MID1: variants seen among roughly 807,000 people sequenced by gnomAD.
MID1 encodes the protein E3 ubiquitin-protein ligase Midline-1.
MID1 carries 7 observed loss-of-function variants against 40.4 expected under a neutral mutation model. The ratio of observed to expected loss-of-function variants is 0.17; its 90% CI spans 0.10 to 0.33. The LOEUF is 0.33. Among genes scored for constraint, MID1 ranks in the 10% least tolerant of loss-of-function variants. The probability of loss-of-function intolerance (pLI) is 1.00; values close to 1 mark genes in which losing one functional copy is unlikely to be tolerated. For missense variants in MID1, 367 were observed against 558.5 expected, an observed-to-expected ratio of 0.66 and a Z score of 3.46; for synonymous variants, 229 against 221.2, an observed-to-expected ratio of 1.04 and a Z score of -0.31.
chrX:10,485,426 G>C (rs1930566003), intron 4 of MID1, among the ~76,000 whole-genome samples: 1 of 112,197 alleles, frequency 8.9e-6, no homozygotes, highest in African/African-American at 3.2e-5. Context: ...AAAAAAATTA[G>C]ATACTGACAC....
intron 8 of MID1, among the ~76,000 whole-genome samples, chrX:10,458,921 C>G (rs1928852123): frequency 9.0e-6 from 1 of 111,679 alleles, no homozygotes; most frequent in Non-Finnish European, 1.9e-5. Flanking sequence ...CACCATGTTA[C>G]ATAACATAAT....
chrX:10,584,023 T>G (rs1256405615), intron 1 of MID1, among the ~76,000 whole-genome samples: 1 of 104,482 alleles, frequency 9.6e-6, no homozygotes, highest in African/African-American at 3.6e-5. Flanking sequence ...AGACTGAGAC[T>G]CCATCTAAAA....
At chrX:10,619,579 T>C (rs1935898611) in intron 1 of MID1, among the ~76,000 whole-genome samples, 2 of 112,701 alleles carry the variant, frequency 1.8e-5, no homozygotes, top group South Asian at 7.4e-4. Flanking sequence ...AGCAAAGCTA[T>C]AAACCTCTTC....
intron 1 of MID1, among the ~76,000 whole-genome samples, chrX:10,640,313 GGAA>G (rs747440161): frequency 1.2e-4 from 13 of 111,405 alleles, no homozygotes; most frequent in Middle Eastern, 4.6e-3. Context: ...ATAAAGGGAT[GGAA>G]GAAGACCTAC....
chrX:10,672,615 T>C (rs1420937523), intron 1 of MID1, among the ~76,000 whole-genome samples: 1 of 111,688 alleles, frequency 9.0e-6, no homozygotes, highest in African/African-American at 3.3e-5. Flanking sequence ...TCTAGAGCCT[T>C]CAGAAGGAAT....
intron 1 of MID1, among the ~76,000 whole-genome samples, chrX:10,747,202 C>T (rs1024555176): frequency 5.4e-5 from 6 of 111,683 alleles, no homozygotes; most frequent in Admixed American, 3.8e-4. Context: ...AGAGACTAGA[C>T]GAAGGAAGAG....
chrX:10,457,874 G>A (rs1928779513), intron 8 of MID1, among the ~76,000 whole-genome samples: 1 of 112,594 alleles, frequency 8.9e-6, no homozygotes, highest in African/African-American at 3.2e-5. Flanking sequence ...CTTCTGCATG[G>A]AACACTGTGT....
intron 1 of MID1, among the ~76,000 whole-genome samples, chrX:10,756,725 C>T (rs1483033431): frequency 1.8e-5 from 2 of 112,158 alleles, no homozygotes; most frequent in Non-Finnish European, 3.8e-5. Context: ...AGAAAACATA[C>T]AGGTTTTGCA....
intron 4 of MID1, among the ~76,000 whole-genome samples, chrX:10,488,689 A>C (rs1027949899): frequency 1.8e-5 from 2 of 111,238 alleles, no homozygotes; most frequent in Non-Finnish European, 3.8e-5. Context: ...GGACATTAAC[A>C]CTTGAGTCAG....
chrX:10,688,156 G>A (rs944206962), intron 1 of MID1, among the ~76,000 whole-genome samples: 1 of 111,907 alleles, frequency 8.9e-6, no homozygotes, highest in Admixed American at 9.5e-5. Flanking sequence ...GCACGTGCTG[G>A]CTAAACATTT....
intron 1 of MID1, chrX:10,582,731 A>C (rs1935046718): frequency 8.9e-6 from 1 of 111,842 alleles, no homozygotes. Flanking sequence ...CAGAGCCCTT[A>C]ATGTCCTTCA....
chrX:10,635,666 T>G (rs1369560980), intron 1 of MID1, among the ~76,000 whole-genome samples: 7 of 112,083 alleles, frequency 6.2e-5, no homozygotes, highest in Non-Finnish European at 1.1e-4. Context: ...ATGCTGAAAT[T>G]CTCCAGGTCA....
chrX:10,628,859 C>T (rs1027547611), intron 1 of MID1, among the ~76,000 whole-genome samples: 8 of 112,278 alleles, frequency 7.1e-5, no homozygotes, highest in East Asian at 2.8e-4. Flanking sequence ...ACCAGTTATA[C>T]ATCAGTCCCT....
At chrX:10,727,565 AATC>A (rs1295142433) in intron 1 of MID1, among the ~76,000 whole-genome samples, 2 of 112,239 alleles carry the variant, frequency 1.8e-5, no homozygotes, top group Non-Finnish European at 3.8e-5. Flanking sequence ...GACTTGAGAG[AATC>A]ATCATTCTAA....
intron 1 of MID1, among the ~76,000 whole-genome samples, chrX:10,799,142 C>T (rs981873652): frequency 9.0e-6 from 1 of 111,610 alleles, no homozygotes; most frequent in Non-Finnish European, 1.9e-5. Context: ...CCTTTTTCAT[C>T]CCCCCTCACC....
intron 2 of MID1, among the ~76,000 whole-genome samples, chrX:10,539,144 C>T (rs1222431081): frequency 8.9e-6 from 1 of 112,164 alleles, no homozygotes; most frequent in Non-Finnish European, 1.9e-5. Context: ...TGAAGCATTA[C>T]TAAGAAATAC....
At chrX:10,501,177 C>T (rs938102275) in intron 3 of MID1, among the ~76,000 whole-genome samples, 1 of 111,447 alleles carries the variant, frequency 9.0e-6, no homozygotes, top group Non-Finnish European at 1.9e-5. Context: ...GGTGTGGTGG[C>T]GCATGCCTAT....
At chrX:10,592,830 C>A (rs1205352880) in intron 1 of MID1, among the ~76,000 whole-genome samples, 3 of 111,406 alleles carry the variant, frequency 2.7e-5, no homozygotes, top group Non-Finnish European at 5.7e-5. Context: ...TAAAAAAAAT[C>A]CTAATTGAAA....
At position 10,555,696 on chromosome X, in the gene MID1, G is replaced by A. The variant is rs1261182207; in HGVS notation, c.660+11192C>T. Among the ~76,000 whole-genome samples, 4 of 110,528 alleles carry A rather than the reference G, an allele frequency of 3.6e-5. No homozygotes were observed. In the South Asian group the frequency reaches 1.2e-3, roughly 32 times the overall value. Reference sequence around the variant, plus strand: ...AAAGAATATTTATAAAGGCACAAAAGGAATAGAAGCTGCTCATGATTTCCA... The same window carrying A: ...AAAGAATATTTATAAAGGCACAAAAAGAATAGAAGCTGCTCATGATTTCCA... On this transcript the variant is annotated intron_variant, in intron 2 of 9. Coordinates refer to ENST00000317552, the MANE Select transcript of MID1 (RefSeq NM_000381.4).
Sources: allele counts gnomAD v4.1 joint callset (sites outside exome capture counted in the v4.1 genomes callset), GRCh38; gene constraint gnomAD v4.1.1; transcripts MANE v1.5; gene names NCBI Gene and HGNC (gene_info 2026-07-23, HGNC 2026-07-21).